TXNL4A: variants seen among roughly 807,000 people sequenced by gnomAD.
TXNL4A encodes the protein thioredoxin like 4A.
Under a neutral mutation model 14.6 loss-of-function variants are expected in TXNL4A, and 17 were observed. That is an observed-to-expected ratio of 1.16 (90% CI 0.80 to 1.74). The LOEUF (loss-of-function observed/expected upper bound fraction) is 1.74. Ranked by LOEUF, TXNL4A falls within the 40% of genes most tolerant of loss-of-function variation. The pLI, the probability that TXNL4A is intolerant of heterozygous loss-of-function variation, is 0.00. For missense variants in TXNL4A, 74 were observed against 195.2 expected, an observed-to-expected ratio of 0.38 and a Z score of 3.70; for synonymous variants, 83 against 70.6, an observed-to-expected ratio of 1.18 and a Z score of -0.88.
At chr18:79,978,976 C>T (rs1232089599) in intron 1 of TXNL4A, among the ~76,000 whole-genome samples, 5 of 147,392 alleles carry the variant, frequency 3.4e-5, no homozygotes, top group Admixed American at 6.8e-5. Flanking sequence ...CTCGATCTGT[C>T]GCCTGGTCTG....
intron 1 of TXNL4A, among the ~76,000 whole-genome samples, chr18:80,030,112 T>A (rs1599759580): frequency 6.6e-6 from 1 of 152,162 alleles, no homozygotes; most frequent in Non-Finnish European, 1.5e-5. Context: ...ACCTCCTGAG[T>A]GGATTGTAAC....
intron 2 of TXNL4A, chr18:79,976,872 T>C (rs1233724370): frequency 9.0e-6 from 4 of 443,868 alleles, no homozygotes; most frequent in African/African-American, 8.1e-5. Context: ...TAAAATAATC[T>C]TGTATTTATA....
chr18:79,997,838 C>G (rs1167844320), intron 1 of TXNL4A, among the ~76,000 whole-genome samples: 7 of 152,206 alleles, frequency 4.6e-5, no homozygotes, highest in African/African-American at 1.2e-4. Context: ...CAAAGACAAA[C>G]TTCAGCGATG....
At chr18:79,999,581 C>T (rs568073358) in intron 1 of TXNL4A, among the ~76,000 whole-genome samples, 39 of 148,988 alleles carry the variant, frequency 2.6e-4, no homozygotes, top group African/African-American at 6.4e-4. Context: ...CAAAATAGTT[C>T]ACAACCATAA....
At chr18:79,985,013 C>G (rs1046702235) in intron 1 of TXNL4A, among the ~76,000 whole-genome samples, 8 of 152,126 alleles carry the variant, frequency 5.3e-5, no homozygotes, top group Non-Finnish European at 1.0e-4. Flanking sequence ...TGACGGCGTT[C>G]CCACAAAATG....
intron 1 of TXNL4A, among the ~76,000 whole-genome samples, chr18:80,023,914 C>T (rs1462324997): frequency 6.6e-6 from 1 of 152,204 alleles, no homozygotes; most frequent in Non-Finnish European, 1.5e-5. Flanking sequence ...GGCCTGTCTC[C>T]TGGGCACGTC....
chr18:79,975,868 G>T (rs191813818), intron 2 of TXNL4A, among the ~76,000 whole-genome samples: 2 of 152,216 alleles, frequency 1.3e-5, no homozygotes, highest in Admixed American at 6.5e-5. Flanking sequence ...GCAAATTAGT[G>T]TAAGAACTGT....
intron 1 of TXNL4A, among the ~76,000 whole-genome samples, chr18:80,021,480 TGGAG>T (rs1197479971): frequency 6.6e-6 from 1 of 152,200 alleles, no homozygotes; most frequent in African/African-American, 2.4e-5. Context: ...CCTGGCTGGT[TGGAG>T]GGACTTTCTT....
chr18:80,004,842 G>A (rs2051719525), intron 1 of TXNL4A, among the ~76,000 whole-genome samples: 1 of 152,232 alleles, frequency 6.6e-6, no homozygotes, highest in Admixed American at 6.5e-5. Context: ...GAATGCATCT[G>A]TGTTTAAAGG....
At chr18:80,026,260 G>T (rs185062203) in intron 1 of TXNL4A, among the ~76,000 whole-genome samples, 18 of 152,270 alleles carry the variant, frequency 1.2e-4, no homozygotes, top group East Asian at 1.2e-3. Flanking sequence ...TGCATGTACA[G>T]CTAAAGCAAT....
chr18:79,998,521 G>A (rs2051677612), intron 1 of TXNL4A, among the ~76,000 whole-genome samples: 1 of 150,338 alleles, frequency 6.7e-6, no homozygotes, highest in Non-Finnish European at 1.5e-5. Flanking sequence ...ACTGCATCCA[G>A]GGTACTGATC....
At chr18:80,022,054 A>G (rs1229986690) in intron 1 of TXNL4A, among the ~76,000 whole-genome samples, 1 of 151,994 alleles carries the variant, frequency 6.6e-6, no homozygotes, top group African/African-American at 2.4e-5. Flanking sequence ...GTTAGATTAA[A>G]CACTTGGATT....
intron 1 of TXNL4A, among the ~76,000 whole-genome samples, chr18:80,009,548 G>T (rs2051756271): frequency 6.6e-6 from 1 of 152,146 alleles, no homozygotes. Flanking sequence ...TTGCCTCCTT[G>T]GAGGAAAGAA....
chr18:79,996,817 C>T (rs2051666120), intron 1 of TXNL4A, among the ~76,000 whole-genome samples: 1 of 152,202 alleles, frequency 6.6e-6, no homozygotes, highest in Non-Finnish European at 1.5e-5. Flanking sequence ...GTAGCGCATG[C>T]CTGTAATCCC....
At position 79,983,330 on chromosome 18, in the gene TXNL4A, T is replaced by A. The variant is rs986119464; in HGVS notation, c.153+4910A>T. On this transcript the variant is annotated intron_variant, in intron 1 of 2. Coordinates refer to ENST00000269601, the MANE Select transcript of TXNL4A (RefSeq NM_006701.5). ...TTGTTTTTAAATTCTTTGATTGCCT[T>A]GAATTGTAAGTATCTTTTCCAACTC... 2.6e-5 allele frequency among the ~76,000 whole-genome samples: 4 copies of A among 152,242 alleles called. 1 individual carries two copies. Among genetic ancestry groups the A allele is most frequent in the African/African-American group, 9.6e-5 (4 of 41,472 alleles).
At chr18:79,976,919 A>G in intron 2 of TXNL4A, 1 of 366,106 alleles carries the variant, frequency 2.7e-6, no homozygotes, top group Non-Finnish European at 5.4e-6. Context: ...GGATATAAAA[A>G]AGGACACCGA....
chr18:79,992,885 A>AAAG (rs1305549504), upstream of TXNL4A, among the ~76,000 whole-genome samples: 1 of 149,028 alleles, frequency 6.7e-6, no homozygotes, highest in East Asian at 1.9e-4. Context: ...GTAAAAAAAA[A>AAAG]AAAAAAAAAA....
intron 1 of TXNL4A, among the ~76,000 whole-genome samples, chr18:79,999,223 A>C (rs1250092320): frequency 6.6e-6 from 1 of 152,144 alleles, no homozygotes; most frequent in African/African-American, 2.4e-5. Context: ...TAAAAAATGT[A>C]CAAGTATCAG....
chr18:79,990,338 G>A (rs1272566449), upstream of TXNL4A, among the ~76,000 whole-genome samples: 3 of 152,202 alleles, frequency 2.0e-5, no homozygotes, highest in African/African-American at 7.2e-5. Context: ...TAAAGCAGAG[G>A]CACAGAATAT....
Sources: allele counts gnomAD v4.1 joint callset (sites outside exome capture counted in the v4.1 genomes callset), GRCh38; gene constraint gnomAD v4.1.1; transcripts MANE v1.5; gene names NCBI Gene and HGNC (gene_info 2026-07-23, HGNC 2026-07-21).